The following BID variants were observed in gnomAD, a reference collection of about 807,000 sequenced individuals.
The protein encoded by BID is BH3-interacting domain death agonist.
BID carries 19 observed loss-of-function variants against 17.4 expected under a neutral mutation model. That is an observed-to-expected ratio of 1.09 (90% CI 0.76 to 1.60). The LOEUF is 1.60. Ranked by LOEUF, BID falls within the 40% of genes most tolerant of loss-of-function variation. BID has a pLI of 0.00. For synonymous variants in BID, 108 were observed against 102.8 expected (o/e 1.05, Z -0.31); for missense variants, 226 against 256.0 (o/e 0.88, Z 0.80).
chr22:17,756,502 CTCTT>C (rs1264036837), intron 1 of BID, among the ~76,000 whole-genome samples: 41 of 139,092 alleles, frequency 2.9e-4, no homozygotes, highest in Middle Eastern at 3.6e-3. Flanking sequence ...CTTTCTCTCT[CTCTT>C]TCTGTCTGTC....
chr22:17,755,936 CG>C (rs1330812465), intron 1 of BID, among the ~76,000 whole-genome samples: 1 of 152,110 alleles, frequency 6.6e-6, no homozygotes, highest in Non-Finnish European at 1.5e-5. Flanking sequence ...GGCACGATCT[CG>C]GCTCACTGCA....
At position 17,738,219 on chromosome 22, in the gene BID, C is replaced by T. The variant is rs746410035; in HGVS notation, c.374G>A (p.Arg125Lys). Residue 125 changes from arginine to lysine, a missense_variant, in exon 5 of 6, where the codon AGG becomes AAG. Transcript: ENST00000622694. Reference sequence around the variant, plus strand: ...CTGCTCCAGGGCAGTGGCCAGGTCCCTGTTCCGGTCCTGCACAGAGGGGCA... The same window carrying T: ...CTGCTCCAGGGCAGTGGCCAGGTCCTTGTTCCGGTCCTGCACAGAGGGGCA... ...NTSRSEEDRN[R>K]DLATALEQLL... 47 of 1,610,452 alleles carry T rather than the reference C, an allele frequency of 2.9e-5. No individual in the cohort carries two copies. Among genetic ancestry groups the T allele is most frequent in the Middle Eastern group, 2.1e-4 (1 of 4,742 alleles).
intron 5 of BID, 145 bp from the exon 6 acceptor site, chr22:17,735,736 C>T: frequency 1.0e-6 from 1 of 991,984 alleles, no homozygotes; most frequent in Non-Finnish European, 1.5e-6. Context: ...GTGCATCCTA[C>T]TTTTTGCTAC....
chr22:17,762,354 G>A (rs1489530984), intron 1 of BID, among the ~76,000 whole-genome samples: 6 of 152,030 alleles, frequency 3.9e-5, no homozygotes, highest in African/African-American at 7.3e-5. Context: ...AAAATTAGCC[G>A]GGCATGATGG....
intron 2 of BID, among the ~76,000 whole-genome samples, chr22:17,747,622 C>T (rs1024944767): frequency 4.6e-5 from 7 of 152,018 alleles, no homozygotes; most frequent in African/African-American, 9.7e-5. Flanking sequence ...TGCCCAGCCT[C>T]TAGATCCACT....
chr22:17,756,209 C>T, intron 1 of BID, among the ~76,000 whole-genome samples: 1 of 152,152 alleles, frequency 6.6e-6, no homozygotes, highest in East Asian at 1.9e-4. Context: ...GTTTTATTAA[C>T]TCATTTTTTA....
Position 17,736,832 on chromosome 22 carries a change from C to T in BID, c.576+1185G>A, listed in dbSNP as rs1236658935. 2.0e-5 allele frequency among the ~76,000 whole-genome samples: 3 copies of T among 150,808 alleles called. No homozygotes were observed. The East Asian group carries it at 5.9e-4, about 30-fold the overall frequency. On this transcript the variant is annotated intron_variant, in intron 5 of 5. Coordinates refer to ENST00000622694, the MANE Select transcript of BID (RefSeq NM_001196.4). ...TAATTTTTTTTTTTTTTGAGACAGT[C>T]TTACCCCATCATCCAGGCTGGAGTG... is the stretch of plus-strand genomic sequence containing the variant.
intron 1 of BID, among the ~76,000 whole-genome samples, chr22:17,751,942 C>T (rs544515593): frequency 6.6e-6 from 1 of 152,328 alleles, no homozygotes; most frequent in East Asian, 1.9e-4. Context: ...GCCACAGAGG[C>T]CACGGCACCT....
intron 1 of BID, among the ~76,000 whole-genome samples, chr22:17,758,168 C>A (rs187996250): frequency 6.6e-6 from 1 of 152,304 alleles, no homozygotes; most frequent in East Asian, 1.9e-4. Flanking sequence ...CCTCAAAGAG[C>A]TTAAGTTCCC....
In BID at chr22:17,750,130, C is replaced by A. The variant is rs565598962; in HGVS notation, c.-14G>T. ...CTCACAGTCCATGGCCTGGGCAGCGCGGCAGCTCCGACTCACTCCTGGTTC... is the reference window on the plus strand; with the variant it reads ...CTCACAGTCCATGGCCTGGGCAGCGAGGCAGCTCCGACTCACTCCTGGTTC... On this transcript the variant is annotated 5_prime_UTR_variant, in exon 2 of 6. Transcript: ENST00000622694. The A allele has an allele frequency of 1.2e-6, 2 of 1,613,336 alleles. No individual in the cohort carries two copies. The highest frequency in any genetic ancestry group is 1.7e-5 in the Admixed American group (1 of 60,010).
At chr22:17,756,472 TTTCTTTTC>T (rs1188705230) in intron 1 of BID, among the ~76,000 whole-genome samples, 3,074 of 103,532 alleles carry the variant, frequency 0.03, 30 homozygotes, top group Non-Finnish European at 0.034. Flanking sequence ...TCTTTCTTTC[TTTCTTTTC>T]TTTCTTTCTT....
Position 17,769,088 on chromosome 22 carries a change from A to G in BID, c.-59+5293T>C, listed in dbSNP as rs2061700602. Among the ~76,000 whole-genome samples, 1 of 151,302 alleles carries G rather than the reference A, an allele frequency of 6.6e-6. No individual in the cohort carries two copies. The highest frequency in any genetic ancestry group is 6.6e-5 in the Admixed American group (1 of 15,182). The stretch of plus-strand genomic sequence containing the variant: ...AAATAAATAAATAATAACTAAATAA[A>G]TAAAGAACAAGGCTTTCACCACATC... On this transcript the variant is annotated intron_variant, in intron 1 of 5. Coordinates refer to ENST00000622694, the MANE Select transcript of BID (RefSeq NM_001196.4). The surrounding 1 kb of genome is among the most constrained non-coding windows in gnomAD (Gnocchi z 4.8).
intron 3 of BID, 149 bp from the exon 4 acceptor site, chr22:17,739,637 A>G (rs1321105429): frequency 1.6e-5 from 17 of 1,087,564 alleles, no homozygotes; most frequent in South Asian, 1.2e-4. Flanking sequence ...CACCAGGGCC[A>G]CAGCGGGCGG....
In BID at chr22:17,750,188, C is replaced by A; in HGVS notation, c.-58-14G>T. On this transcript the variant is annotated splice_polypyrimidine_tract_variant and intron_variant, in intron 1 of 5. Coordinates refer to ENST00000622694, the MANE Select transcript of BID (RefSeq NM_001196.4). ...CCCAGTGGCGACCTGGAAAGGGACA[C>A]ACAGAGTGGGCGGCCGCTCCTGGGA... The A allele has an allele frequency of 1.9e-6, 3 of 1,609,618 alleles. No homozygotes were observed. Among genetic ancestry groups the A allele is most frequent in the Non-Finnish European group, 2.5e-6 (3 of 1,178,362 alleles).
rs538881374 is a variant in BID at position 17,773,465 on chromosome 22, G to C, written c.-59+916C>G. On this transcript the variant is annotated intron_variant, in intron 1 of 5. Transcript: ENST00000622694. The surrounding 1 kb of genome is among the most constrained non-coding windows in gnomAD (Gnocchi z 4.4). Reference sequence around the variant, plus strand: ...CCCACAGTGAGAGCGAGGACTGAGGGTGTGGATAAGGCTCCAGGAAGGGGG... The same window carrying C: ...CCCACAGTGAGAGCGAGGACTGAGGCTGTGGATAAGGCTCCAGGAAGGGGG... The C allele has an allele frequency of 1.3e-6, 1 of 793,086 alleles. No homozygotes were observed. Among genetic ancestry groups the C allele is most frequent in the Non-Finnish European group, 2.1e-6 (1 of 477,220 alleles). 49.1% of individuals were successfully genotyped at this position (793,086 alleles called of 1,614,324 possible). A position where few individuals can be genotyped will look rare whatever the true frequency, so the allele number is the denominator to read the frequency against.
chr22:17,762,836 G>C (rs1208693938), intron 1 of BID, among the ~76,000 whole-genome samples: 1 of 151,358 alleles, frequency 6.6e-6, no homozygotes, highest in Non-Finnish European at 1.5e-5. Flanking sequence ...AGACCAAAAA[G>C]TTTGAGAAGT....
In BID at chr22:17,773,363, C is replaced by T. The variant is rs8190274; in HGVS notation, c.-59+1018G>A. Among the ~76,000 whole-genome samples the T allele has an allele frequency of 0.078, 11,854 of 152,170 alleles. 720 individuals are homozygous for T. Among genetic ancestry groups the T allele is most frequent in the Non-Finnish European group, 0.12 (7,962 of 67,974 alleles). ...GCCCCAGGACGGCACACATTCAGGC[C>T]CAGGAGAGCTCCCCCCATCTCAAAG... On this transcript the variant is annotated intron_variant, in intron 1 of 5. Coordinates refer to ENST00000622694, the MANE Select transcript of BID (RefSeq NM_001196.4). The surrounding 1 kb of genome is among the most constrained non-coding windows in gnomAD (Gnocchi z 4.4).
In BID at chr22:17,734,527, A is replaced by G. The variant is rs1244116092; in HGVS notation, c.*1053T>C. The G allele has an allele frequency of 6.6e-6, 1 of 152,218 alleles. No individual in the cohort carries two copies. Among genetic ancestry groups the G allele is most frequent in the Non-Finnish European group, 1.5e-5 (1 of 68,042 alleles). 9.4% of individuals were successfully genotyped at this position (152,218 alleles called of 1,614,324 possible). On this transcript the variant is annotated 3_prime_UTR_variant, in exon 6 of 6. Coordinates refer to ENST00000622694, the MANE Select transcript of BID (RefSeq NM_001196.4). ...CAGACCAGTGTTGCACTGTTTCTAA[A>G]GCTAAGCTTTTCCTTATTTATTTTG...
intron 3 of BID, among the ~76,000 whole-genome samples, chr22:17,742,175 A>G (rs887604794): frequency 6.6e-6 from 1 of 152,224 alleles, no homozygotes. Flanking sequence ...CTAGATTCAC[A>G]GTCCCTGTCA....
Sources: gnomAD v4.1 joint callset for allele counts (sites outside exome capture counted in the v4.1 genomes callset) on GRCh38, gnomAD v4.1.1 for gene constraint, Gnocchi (gnomAD v3.1) non-coding constraint, MANE v1.5 for transcripts, NCBI Gene and HGNC (gene_info 2026-07-23, HGNC 2026-07-21) for gene names.